MTF1: variants seen among roughly 807,000 people sequenced by gnomAD.
MTF1 encodes the protein MRE-binding transcription factor.
A neutral mutation model predicts 70.4 loss-of-function variants in MTF1; 22 were observed. That is an observed-to-expected ratio of 0.31 (90% CI 0.22 to 0.45). MTF1 has a LOEUF of 0.45. Ranked by LOEUF, MTF1 falls within the 20% of genes least tolerant of loss-of-function variation. MTF1 has a pLI of 1.00. For missense variants in MTF1, 649 were observed against 922.0 expected (o/e 0.70, Z 3.83); for synonymous variants, 333 against 352.8 (o/e 0.94, Z 0.63).
intron 7 of MTF1, among the ~76,000 whole-genome samples, chr1:37,831,398 A>T (rs1477902678): frequency 6.6e-6 from 1 of 152,226 alleles, no homozygotes; most frequent in Non-Finnish European, 1.5e-5. Context: ...AGCATTCCTG[A>T]ATCATTCAGT....
rs1208270627 is a variant in MTF1 at position 37,838,712 on chromosome 1, C to T, written c.692G>A (p.Cys231Tyr). 6.2e-7 allele frequency: 1 copy of T among 1,606,190 alleles called. No individual in the cohort carries two copies. ...QRLHTGKTFN[C>Y]ESEGCSKYFT... is the part of the protein sequence containing the mutation. ...GTATTTGCTGCAGCCTTCAGATTCA[C>T]AGTTAAACGTTTTCCCTGTGTGAAG... Residue 231 changes from cysteine (C) to tyrosine (Y), a missense_variant, in exon 4 of 11, where the codon TGT (cysteine) becomes TAT (tyrosine). Cys to Tyr is a radical substitution (Grantham distance 194, BLOSUM62 -2). Transcript: ENST00000373036.
intron 3 of MTF1, 95 bp downstream of exon 3, chr1:37,839,825 G>A: frequency 1.0e-6 from 1 of 977,422 alleles, no homozygotes; most frequent in Non-Finnish European, 1.6e-6. Flanking sequence ...TTAAAGCCCT[G>A]AAAGTGAAAA....
chr1:37,823,664 G>C, intron 8 of MTF1, 46 bp downstream of exon 8: 3 of 1,390,798 alleles, frequency 2.2e-6, no homozygotes, highest in South Asian at 1.2e-5. Flanking sequence ...GACTCAGTGT[G>C]TCAGCAAGTG....
At chr1:37,818,925 G>A (rs1417353362) in intron 9 of MTF1, among the ~76,000 whole-genome samples, 4 of 151,908 alleles carry the variant, frequency 2.6e-5, no homozygotes, top group Non-Finnish European at 4.4e-5. Flanking sequence ...CCTGGGAGGC[G>A]GAGGTTGCAG....
At chr1:37,857,930 A>G (rs777003449) in intron 1 of MTF1, among the ~76,000 whole-genome samples, 2 of 151,262 alleles carry the variant, frequency 1.3e-5, no homozygotes, top group South Asian at 2.1e-4. Flanking sequence ...TAATCCCAAC[A>G]CTTTGGGAGG....
In MTF1 at chr1:37,811,710, C is replaced by T. The variant is rs1020581141; in HGVS notation, c.*3426G>A. On this transcript the variant is annotated 3_prime_UTR_variant, in exon 11 of 11. Transcript: ENST00000373036. ...CAGCCTTGACCCTGAAAATAAAACT[C>T]TCCGATCTACCAACTATCCCAGAGG... is the stretch of plus-strand genomic sequence containing the variant. 6.6e-5 allele frequency: 10 copies of T among 152,230 alleles called. No homozygotes were observed. Among genetic ancestry groups the T allele is most frequent in the Non-Finnish European group, 1.5e-4 (10 of 68,056 alleles). The allele number at this position is 152,230 out of a possible 1,614,324, so 9.4% of individuals were successfully genotyped here.
intron 7 of MTF1, among the ~76,000 whole-genome samples, chr1:37,828,650 A>C (rs915367061): frequency 1.3e-5 from 2 of 152,198 alleles, no homozygotes; most frequent in Non-Finnish European, 1.5e-5. Flanking sequence ...GGGTGTGACG[A>C]ATTGTGATGA....
chr1:37,839,834 A>G, intron 3 of MTF1, 86 bp downstream of exon 3: 1 of 1,081,466 alleles, frequency 9.2e-7, no homozygotes, highest in Non-Finnish European at 1.4e-6. Flanking sequence ...TGAAAGTGAA[A>G]ACAACTCCTC....
rs1219035288 is a variant in MTF1, at chr1:37,813,992, TTC to T, written c.*1142_*1143del. The stretch of plus-strand genomic sequence containing the variant: ...TGAGTAGAAGATCATCGTTTTGTGT[TTC>T]TTTTTTTTTTTTTTTTAAATAAATC... On this transcript the variant is annotated 3_prime_UTR_variant, in exon 11 of 11. Transcript: ENST00000373036. 6.7e-6 allele frequency: 1 copy of T among 149,546 alleles called. No homozygotes were observed. Among genetic ancestry groups the T allele is most frequent in the African/African-American group, 2.4e-5 (1 of 40,944 alleles). The allele number at this position is 149,546 out of a possible 1,614,324, so 9.3% of individuals were successfully genotyped here.
intron 8 of MTF1, among the ~76,000 whole-genome samples, chr1:37,823,474 A>G (rs1480145944): frequency 6.6e-6 from 1 of 152,014 alleles, no homozygotes; most frequent in Non-Finnish European, 1.5e-5. Context: ...AAAATCTCAC[A>G]GCTCCTCCCC....
chr1:37,848,477 T>C (rs1297335587), intron 2 of MTF1, among the ~76,000 whole-genome samples: 3 of 152,152 alleles, frequency 2.0e-5, no homozygotes, highest in African/African-American at 7.2e-5. Context: ...CTGATTTAAA[T>C]ATGAGGAGAA....
Position 37,822,575 on chromosome 1 carries a change from G to A in MTF1, c.1313C>T (p.Ser438Leu). 2 of 1,614,094 alleles carry A rather than the reference G, an allele frequency of 1.2e-6. No homozygotes were observed. Among genetic ancestry groups the A allele is most frequent in the Non-Finnish European group, 1.7e-6 (2 of 1,180,030 alleles). Reference sequence around the variant, plus strand: ...AGCAGGCGGAGGAGCAGACGGAGCTGAGGCAGGTAGTAGAGGCTGGGGTGG... The same window carrying A: ...AGCAGGCGGAGGAGCAGACGGAGCTAAGGCAGGTAGTAGAGGCTGGGGTGG... ...SEPPQPLLPA[S>L]APSAPPPAPS... Residue 438 changes from serine to leucine, a missense_variant, in exon 9 of 11, where the codon TCA becomes TTA. Transcript: ENST00000373036.
At chr1:37,845,817 G>A (rs1056654862) in intron 2 of MTF1, among the ~76,000 whole-genome samples, 1 of 152,164 alleles carries the variant, frequency 6.6e-6, no homozygotes, top group African/African-American at 2.4e-5. Flanking sequence ...GAAAATATTT[G>A]TATTTAAAAG....
intron 7 of MTF1, among the ~76,000 whole-genome samples, chr1:37,825,603 A>C (rs1275498149): frequency 6.6e-6 from 1 of 152,136 alleles, no homozygotes; most frequent in African/African-American, 2.4e-5. Context: ...CTGACCCTTG[A>C]ACAACATGCA....
chr1:37,845,458 G>C (rs756581076), intron 2 of MTF1, among the ~76,000 whole-genome samples: 6 of 152,184 alleles, frequency 3.9e-5, no homozygotes, highest in Non-Finnish European at 7.3e-5. Context: ...TAGCAAGTTA[G>C]AAAAGGACAC....
intron 2 of MTF1, among the ~76,000 whole-genome samples, chr1:37,844,504 T>C (rs1027788187): frequency 1.3e-5 from 2 of 152,186 alleles, no homozygotes; most frequent in Non-Finnish European, 2.9e-5. Flanking sequence ...CATGCATATA[T>C]TCTGACTTCC....
chr1:37,838,642 T>G lies in MTF1; in HGVS notation c.762A>C (p.Thr254=), dbSNP rs750142628. 2.7e-5 allele frequency: 44 copies of G among 1,612,326 alleles called. No individual in the cohort carries two copies. Among genetic ancestry groups the G allele is most frequent in the Non-Finnish European group, 3.1e-5 (37 of 1,178,832 alleles). The change falls in exon 4 of 11, where the codon ACA becomes ACC. Residue 254 remains threonine, a synonymous_variant. Transcript: ENST00000373036. ...AGACCTACCGAAATGGCTTTTCCCC[T>G]GTATGAGTTCGAATGTGCTTCCTCA... ...SDLRKHIRTH[T]GEKPFRCDHD... is the part of the protein sequence containing the mutation.
Position 37,815,396 on chromosome 1 carries a change from C to T in MTF1, c.2002G>A (p.Gly668Arg). The stretch of plus-strand genomic sequence containing the variant: ...TGCGCTGGGAGCTGCAGGCTGGGCC[C>T]ATCAGGAGCCTGGGGGCTCGGCTCT... ...PPEPSPQAPDGPSLQLPAQTF... is the reference protein window; with the variant it reads ...PPEPSPQAPDRPSLQLPAQTF... Residue 668 changes from glycine (G) to arginine (R), a missense_variant, in exon 11 of 11, where the codon GGG becomes AGG. Coordinates refer to ENST00000373036, the MANE Select transcript of MTF1 (RefSeq NM_005955.3). The surrounding 1 kb of genome is among the most constrained non-coding windows in gnomAD (Gnocchi z 4.5). The T allele has an allele frequency of 6.2e-7, 1 of 1,614,048 alleles. No individual in the cohort carries two copies. Among genetic ancestry groups the T allele is most frequent in the Non-Finnish European group, 8.5e-7 (1 of 1,179,982 alleles).
At position 37,834,864 on chromosome 1, in the gene MTF1, G is replaced by A. The variant is rs112942215; in HGVS notation, c.990+215C>T. Among the ~76,000 whole-genome samples the A allele has an allele frequency of 6.6e-5, 10 of 152,358 alleles. 1 individual carries two copies. Among genetic ancestry groups the A allele is most frequent in the African/African-American group, 2.4e-4 (10 of 41,578 alleles). On this transcript the variant is annotated intron_variant, in intron 6 of 10. Transcript: ENST00000373036. ...ACGAGGAAGACTGCAGGAAGAACAG[G>A]TTTGGACATGTTAAGTTTGACAAGA...
Sources: gnomAD v4.1 joint callset for allele counts (sites outside exome capture counted in the v4.1 genomes callset) on GRCh38, gnomAD v4.1.1 for gene constraint, Gnocchi (gnomAD v3.1) non-coding constraint, MANE v1.5 for transcripts, NCBI Gene and HGNC (gene_info 2026-07-23, HGNC 2026-07-21) for gene names.